VEGFD: variants seen among roughly 807,000 people sequenced by gnomAD.
The protein encoded by VEGFD is c-fos induced growth factor (vascular endothelial growth factor D).
VEGFD carries 26 observed loss-of-function variants against 28.0 expected under a neutral mutation model. The observed-to-expected ratio is 0.93, with a 90% confidence interval of 0.68 to 1.29. The LOEUF (loss-of-function observed/expected upper bound fraction) is 1.29, where lower values mean the gene tolerates loss of function less well. Among genes scored for constraint, VEGFD ranks in the 50% most tolerant of loss-of-function variants. The pLI is 0.00. For synonymous variants in VEGFD, 93 were observed against 95.5 expected (o/e 0.97, Z 0.15); for missense variants, 294 against 273.4 (o/e 1.08, Z -0.53).
intron 1 of VEGFD, among the ~76,000 whole-genome samples, chrX:15,367,418 T>C (rs1923173638): frequency 8.9e-6 from 1 of 112,199 alleles, no homozygotes; most frequent in Non-Finnish European, 1.9e-5. Context: ...CTAATGTCTC[T>C]GGCAGCTTTG....
chrX:15,365,082 G>A (rs1254296914), intron 1 of VEGFD, among the ~76,000 whole-genome samples: 1 of 111,813 alleles, frequency 8.9e-6, no homozygotes, highest in Non-Finnish European at 1.9e-5. Context: ...ATACTTATAT[G>A]GATATATGAG....
Position 15,363,123 on chromosome X carries a change from A to C in VEGFD, c.287T>G (p.Ile96Ser). ...CACACACCTACCTTTTAGTGTTTCA[A>C]TGTCATAGAAAGTTGCCGCAAACCT... ...STRFAATFYD[I>S]ETLKVIDEEW... The change falls in exon 2 of 7, where the codon ATT (isoleucine) becomes AGT (serine). Residue 96 changes from isoleucine (I) to serine (S), a missense_variant. Physicochemically the swap from Ile to Ser is moderately radical, Grantham distance 142. Transcript: ENST00000297904. 1 of 1,210,589 alleles carries C rather than the reference A, an allele frequency of 8.3e-7. No homozygotes were observed. Among genetic ancestry groups the C allele is most frequent in the South Asian group, 1.8e-5 (1 of 56,933 alleles).
intron 2 of VEGFD, among the ~76,000 whole-genome samples, chrX:15,361,160 G>A (rs1364179015): frequency 8.9e-6 from 1 of 111,898 alleles, no homozygotes; most frequent in Non-Finnish European, 1.9e-5. Flanking sequence ...TATTTTAATG[G>A]TTTTCTCCTT....
Position 15,360,293 on chromosome X carries a change from G to GT in VEGFD, c.302-2101dup, listed in dbSNP as rs796312249. Reference sequence around the variant, plus strand: ...ATACTACACAGTCTACCTAAACTTTGTTTTTTTTTATTTTTTTCCTCATAA... The same window carrying GT: ...ATACTACACAGTCTACCTAAACTTTGTTTTTTTTTTATTTTTTTCCTCATAA... On this transcript the variant is annotated intron_variant, in intron 2 of 6. Coordinates refer to ENST00000297904, the MANE Select transcript of VEGFD (RefSeq NM_004469.5). 9.8e-4 allele frequency among the ~76,000 whole-genome samples: 99 copies of GT among 101,517 alleles called. 1 individual carries two copies. The highest frequency in any genetic ancestry group is 7.4e-3 in the South Asian group (17 of 2,301). The allele number at this position is 101,517 out of a possible 115,157, so 88.2% of individuals were successfully genotyped here.
At chrX:15,349,260 C>G (rs1250638526) in intron 5 of VEGFD, among the ~76,000 whole-genome samples, 5 of 112,620 alleles carry the variant, frequency 4.4e-5, no homozygotes, top group Non-Finnish European at 3.8e-5. Flanking sequence ...TTCAGACAGG[C>G]CCAAGGCCAT....
chrX:15,346,200 G>A lies in VEGFD; in HGVS notation c.998C>T (p.Ala333Val). 1 of 1,210,182 alleles carries A rather than the reference G, an allele frequency of 8.3e-7. No homozygotes were observed. The highest frequency in any genetic ancestry group is 1.1e-6 in the Non-Finnish European group (1 of 893,977). The stretch of plus-strand genomic sequence containing the variant: ...CTCCTTTGGAAAGCGGCAATGCTTT[G>A]CACATGCTGTTTTGCCACTTGCACA... ...RPCASGKTAC[A>V]KHCRFPKEKR... The change falls in exon 7 of 7, where the codon GCA becomes GTA. Residue 333 changes from alanine (A) to valine (V), a missense_variant. Physicochemically the swap from Ala to Val is moderately conservative, Grantham distance 64. Transcript: ENST00000297904.
At chrX:15,357,079 G>A (rs1234524886) in intron 3 of VEGFD, among the ~76,000 whole-genome samples, 2 of 111,890 alleles carry the variant, frequency 1.8e-5, no homozygotes, top group African/African-American at 6.5e-5. Context: ...GTAGTTTGAT[G>A]TACAGTTTTT....
rs911439430 is a variant in VEGFD at position 15,346,830 on chromosome X, C to G, written c.938+334G>C. 8.1e-5 allele frequency among the ~76,000 whole-genome samples: 9 copies of G among 110,601 alleles called. No homozygotes were observed. The Admixed American group carries it at 8.6e-4, about 11-fold the overall frequency. On this transcript the variant is annotated intron_variant, in intron 6 of 6. Coordinates refer to ENST00000297904, the MANE Select transcript of VEGFD (RefSeq NM_004469.5). Reference sequence around the variant, plus strand: ...CCTGTAATCCCAGCTACTTGGGAGGCTGAGGCAGGAGACTCCCTTGAACCA... The same window carrying G: ...CCTGTAATCCCAGCTACTTGGGAGGGTGAGGCAGGAGACTCCCTTGAACCA...
At position 15,346,171 on chromosome X, in the gene VEGFD, T is replaced by C; in HGVS notation, c.1027A>G (p.Arg343Gly). 1.7e-6 allele frequency: 2 copies of C among 1,210,755 alleles called. No individual in the cohort carries two copies. Among genetic ancestry groups the C allele is most frequent in the Non-Finnish European group, 2.2e-6 (2 of 894,717 alleles). ...AKHCRFPKEK[R>G]AAQGPHSRKN... ...CGGCTGTGGGGCCCCTGGGCAGCCC[T>C]TTTCTCCTTTGGAAAGCGGCAATGC... Residue 343 changes from arginine (R) to glycine (G), a missense_variant, in exon 7 of 7, where the codon AGG becomes GGG. Coordinates refer to ENST00000297904, the MANE Select transcript of VEGFD (RefSeq NM_004469.5).
rs138613771 is a variant in VEGFD, at chrX:15,381,084, A to G, written c.90+2773T>C. Among the ~76,000 whole-genome samples, 569 of 112,162 alleles carry G rather than the reference A, an allele frequency of 5.1e-3. 2 individuals carry two copies. The highest frequency in any genetic ancestry group is 0.017 in the African/African-American group (535 of 30,856). On this transcript the variant is annotated intron_variant, in intron 1 of 6. Coordinates refer to ENST00000297904, the MANE Select transcript of VEGFD (RefSeq NM_004469.5). ...GTATACACAGTGGATTTGAAATCTT[A>G]AGTTGAGATTTTCAAACAGATTTGT...
chrX:15,384,108 A>T lies in VEGFD; in HGVS notation c.-162T>A. The T allele has an allele frequency of 4.7e-6, 2 of 422,902 alleles. No individual in the cohort carries two copies. The highest frequency in any genetic ancestry group is 8.3e-6 in the Non-Finnish European group (2 of 240,095). The allele number at this position is 422,902 out of a possible 1,213,427, so 34.9% of individuals were successfully genotyped here. ...ATCAAAATCCAATGAAATTATTTCAATTAGGCAAGGTACGCTTTTTTTGCA... is the reference window on the plus strand; with the variant it reads ...ATCAAAATCCAATGAAATTATTTCATTTAGGCAAGGTACGCTTTTTTTGCA... On this transcript the variant is annotated 5_prime_UTR_variant, in exon 1 of 7. It adds an upstream start codon to the 5' untranslated region. Coordinates refer to ENST00000297904, the MANE Select transcript of VEGFD (RefSeq NM_004469.5).
intron 2 of VEGFD, among the ~76,000 whole-genome samples, chrX:15,362,567 C>A (rs148150417): frequency 9.0e-6 from 1 of 110,570 alleles, no homozygotes; most frequent in Admixed American, 9.6e-5. Flanking sequence ...CAGGCACGTA[C>A]CACAATGTTC....
chrX:15,384,328 C>A lies in VEGFD; in HGVS notation c.-382G>T, dbSNP rs1383722489. On this transcript the variant is annotated 5_prime_UTR_variant, in exon 1 of 7. Coordinates refer to ENST00000297904, the MANE Select transcript of VEGFD (RefSeq NM_004469.5). ...TAAGGAGGTGGTGTGGCCACCAATGCTTACAGCTACAGAAAGCTGGAACCC... is the reference window on the plus strand; with the variant it reads ...TAAGGAGGTGGTGTGGCCACCAATGATTACAGCTACAGAAAGCTGGAACCC... The A allele has an allele frequency of 1.5e-5, 2 of 131,778 alleles. No individual in the cohort carries two copies. Among genetic ancestry groups the A allele is most frequent in the Admixed American group, 8.3e-5 (1 of 11,997 alleles). The allele number at this position is 131,778 out of a possible 1,213,427, so 10.9% of individuals were successfully genotyped here. A position where few individuals can be genotyped will look rare whatever the true frequency, so the allele number is the denominator to read the frequency against.
At position 15,382,162 on chromosome X, in the gene VEGFD, T is replaced by C. The variant is rs141912547; in HGVS notation, c.90+1695A>G. ...AGTGAAACCCTGTCTCTACTAAAAA[T>C]ACAAAAAATTAGCCCGGCATGGTGG... On this transcript the variant is annotated intron_variant, in intron 1 of 6. Coordinates refer to ENST00000297904, the MANE Select transcript of VEGFD (RefSeq NM_004469.5). 7.6e-3 allele frequency among the ~76,000 whole-genome samples: 832 copies of C among 109,860 alleles called. 12 individuals carry two copies. Among genetic ancestry groups the C allele is most frequent in the African/African-American group, 0.026 (790 of 30,074 alleles).
At chrX:15,383,735 C>A in intron 1 of VEGFD, 122 bp downstream of exon 1, 1 of 511,885 alleles carries the variant, frequency 2.0e-6, no homozygotes, top group South Asian at 3.0e-5. Flanking sequence ...TATATCCTGT[C>A]CAGTCCACTA....
At chrX:15,350,787 C>CTTTCTTTTCTTTTCT (rs565802253) in intron 5 of VEGFD, among the ~76,000 whole-genome samples, 139 of 95,854 alleles carry the variant, frequency 1.5e-3, no homozygotes, top group African/African-American at 5.4e-3. Flanking sequence ...CTTTCTCTCT[C>CTTTCTTTTCTTTTCT]TTTCTTTTCT....
At position 15,355,204 on chromosome X, in the gene VEGFD, G is replaced by A. The variant is rs1260658605; in HGVS notation, c.587C>T (p.Pro196Leu). 3.3e-6 allele frequency: 4 copies of A among 1,204,381 alleles called. No homozygotes were observed. The highest frequency in any genetic ancestry group is 3.5e-5 in the African/African-American group (2 of 56,671). Residue 196 changes from proline to leucine, a missense_variant, in exon 4 of 7, where the codon CCC (proline) becomes CTC (leucine). Coordinates refer to ENST00000297904, the MANE Select transcript of VEGFD (RefSeq NM_004469.5). ...HTGCKCLPTAPRHPYSIIRRS... is the reference protein window; with the variant it reads ...HTGCKCLPTALRHPYSIIRRS... The stretch of plus-strand genomic sequence containing the variant: ...TCTGATAATTGAGTATGGATGGCGG[G>A]GGGCTGTTGGCAAGCACTTACAACC...
At chrX:15,349,531 A>G (rs1262015966) in intron 5 of VEGFD, among the ~76,000 whole-genome samples, 1 of 112,406 alleles carries the variant, frequency 8.9e-6, no homozygotes, top group South Asian at 3.6e-4. Context: ...CAATAAACTG[A>G]TAGAATTTTT....
chrX:15,364,686 C>T (rs1294281899), intron 1 of VEGFD, among the ~76,000 whole-genome samples: 1 of 111,255 alleles, frequency 9.0e-6, no homozygotes, highest in African/African-American at 3.3e-5. Flanking sequence ...ATTTGTAGAG[C>T]TGGGATGAGG....
Sources: allele counts gnomAD v4.1 joint callset (sites outside exome capture counted in the v4.1 genomes callset), GRCh38; gene constraint gnomAD v4.1.1; transcripts MANE v1.5; gene names NCBI Gene and HGNC (gene_info 2026-07-23, HGNC 2026-07-21).